The following PTPRN2 variants were observed in gnomAD, a reference collection of about 807,000 sequenced individuals.
PTPRN2 encodes protein tyrosine phosphatase receptor type N2.
In PTPRN2, 74 loss-of-function variants were observed where a neutral mutation model predicts 118.8. The ratio of observed to expected loss-of-function variants is 0.62; its 90% CI spans 0.52 to 0.76. PTPRN2 has a LOEUF of 0.76. Ranked by LOEUF, PTPRN2 falls within the 30% of genes least tolerant of loss-of-function variation. PTPRN2 has a pLI of 0.00. For missense variants in PTPRN2, 1,481 were observed against 1,394.4 expected (o/e 1.06, Z -0.99); for synonymous variants, 641 against 608.0 (o/e 1.05, Z -0.80).
At chr7:157,943,922 T>A (rs1354177886) in intron 11 of PTPRN2, among the ~76,000 whole-genome samples, 2 of 152,208 alleles carry the variant, frequency 1.3e-5, no homozygotes, top group East Asian at 3.8e-4. Flanking sequence ...CTGTTTTGAC[T>A]CCCTATTATT....
At chr7:157,581,850 G>T (rs1800397214) in intron 17 of PTPRN2, among the ~76,000 whole-genome samples, 2 of 152,236 alleles carry the variant, frequency 1.3e-5, no homozygotes, top group African/African-American at 4.8e-5. Flanking sequence ...CAACGTGACT[G>T]TGTCTTTAGA....
chr7:157,843,002 T>A (rs537429934), intron 12 of PTPRN2, among the ~76,000 whole-genome samples: 2 of 152,350 alleles, frequency 1.3e-5, no homozygotes, highest in African/African-American at 4.8e-5. Context: ...ATCTCTAAAG[T>A]CATGCTCTGT....
At chr7:157,694,321 A>T (rs6962998) in intron 12 of PTPRN2, among the ~76,000 whole-genome samples, 1 of 151,914 alleles carries the variant, frequency 6.6e-6, no homozygotes, top group African/African-American at 2.4e-5. Flanking sequence ...AGAACAGCAC[A>T]CTTCCTCGTC....
At chr7:158,265,837 C>A (rs1797834731) in intron 3 of PTPRN2, among the ~76,000 whole-genome samples, 1 of 152,238 alleles carries the variant, frequency 6.6e-6, no homozygotes, top group Non-Finnish European at 1.5e-5. Flanking sequence ...TCAGCCCTGC[C>A]TTTGGGTGGA....
intron 2 of PTPRN2, among the ~76,000 whole-genome samples, chr7:158,389,237 G>A (rs1375095771): frequency 6.6e-6 from 1 of 152,230 alleles, no homozygotes; most frequent in Non-Finnish European, 1.5e-5. Flanking sequence ...AATGAAACAC[G>A]ACACACCTGC....
chr7:157,880,921 G>C (rs889946952), intron 12 of PTPRN2, among the ~76,000 whole-genome samples: 1 of 152,164 alleles, frequency 6.6e-6, no homozygotes, highest in Non-Finnish European at 1.5e-5. Flanking sequence ...TGATAAAAAG[G>C]CACTCTGAGT....
intron 11 of PTPRN2, among the ~76,000 whole-genome samples, chr7:157,911,455 G>A (rs908231955): frequency 1.3e-5 from 2 of 152,074 alleles, no homozygotes; most frequent in African/African-American, 4.8e-5. Flanking sequence ...TATATATCAC[G>A]GGCTCCTGGA....
chr7:158,353,360 T>C (rs1474026041), intron 2 of PTPRN2, among the ~76,000 whole-genome samples: 1 of 152,220 alleles, frequency 6.6e-6, no homozygotes, highest in East Asian at 1.9e-4. Flanking sequence ...CCTAAAACTA[T>C]GAGTGGACAT....
Position 157,797,025 on chromosome 7 carries a change from C to T in PTPRN2, c.1788+101648G>A, listed in dbSNP as rs184220334. 6.0e-4 allele frequency among the ~76,000 whole-genome samples: 92 copies of T among 152,344 alleles called. 2 individuals carry two copies. The highest frequency in any genetic ancestry group is 2.9e-3 in the South Asian group (14 of 4,828). On this transcript the variant is annotated intron_variant, in intron 12 of 22. Coordinates refer to ENST00000389418, the MANE Select transcript of PTPRN2 (RefSeq NM_002847.5). ...TCGCCGCTCAGACGAACTCACGGCT[C>T]AGCTGGGAGAATCACACGGGAGGGG...
At chr7:157,798,360 A>G (rs1805005323) in intron 12 of PTPRN2, among the ~76,000 whole-genome samples, 1 of 152,200 alleles carries the variant, frequency 6.6e-6, no homozygotes, top group South Asian at 2.1e-4. Context: ...CCTCTGGGAG[A>G]TGACAAGGAT....
chr7:157,702,242 C>A (rs1237525935), intron 12 of PTPRN2, among the ~76,000 whole-genome samples: 1 of 149,608 alleles, frequency 6.7e-6, no homozygotes, highest in Non-Finnish European at 1.5e-5. Context: ...AAAGCCTGGT[C>A]GGTCCTGGTG....
At chr7:157,791,617 C>A (rs1258617954) in intron 12 of PTPRN2, among the ~76,000 whole-genome samples, 1 of 150,870 alleles carries the variant, frequency 6.6e-6, no homozygotes, top group East Asian at 2.0e-4. Flanking sequence ...GTGGTGAGAG[C>A]GGAGGGGCTC....
chr7:158,414,883 G>A (rs1200947852), intron 2 of PTPRN2, among the ~76,000 whole-genome samples: 1 of 152,250 alleles, frequency 6.6e-6, no homozygotes, highest in African/African-American at 2.4e-5. Flanking sequence ...TCCACATGAG[G>A]AGGGGCGGGG....
intron 12 of PTPRN2, among the ~76,000 whole-genome samples, chr7:157,769,046 G>A (rs1802645390): frequency 6.6e-6 from 1 of 152,280 alleles, no homozygotes; most frequent in East Asian, 1.9e-4. Context: ...CGTAATGTTG[G>A]CATAATTTTT....
intron 2 of PTPRN2, among the ~76,000 whole-genome samples, chr7:158,482,312 G>A (rs564817311): frequency 1.3e-5 from 2 of 152,310 alleles, no homozygotes; most frequent in African/African-American, 4.8e-5. Context: ...CTACCAAACA[G>A]CATTGCGTTC....
At chr7:158,071,607 G>T (rs1203920926) in intron 11 of PTPRN2, among the ~76,000 whole-genome samples, 2 of 91,170 alleles carry the variant, frequency 2.2e-5, no homozygotes, top group Non-Finnish European at 4.7e-5. Context: ...CCTGGTGGAG[G>T]TGCTCGTGGT....
chr7:158,571,021 AC>A (rs1828000363), intron 1 of PTPRN2, among the ~76,000 whole-genome samples: 1 of 152,180 alleles, frequency 6.6e-6, no homozygotes, highest in African/African-American at 2.4e-5. Context: ...CAGGAGCCGC[AC>A]CGGACACTCC....
Position 158,565,857 on chromosome 7 carries a change from C to T in PTPRN2, c.112+21701G>A, listed in dbSNP as rs1408775301. ...ATGCAGGATATTCTGATGAGGAAAC[C>T]GAGGCATGGAGCTTCTTAGGAACTT... On this transcript the variant is annotated intron_variant, in intron 1 of 22. Transcript: ENST00000389418. The surrounding 1 kb of genome is among the most constrained non-coding windows in gnomAD (Gnocchi z 4.6). 2.6e-5 allele frequency among the ~76,000 whole-genome samples: 4 copies of T among 152,278 alleles called. No homozygotes were observed. Among genetic ancestry groups the T allele is most frequent in the East Asian group, 3.9e-4 (2 of 5,168 alleles).
At chr7:158,197,531 C>A (rs1299602825) in intron 4 of PTPRN2, among the ~76,000 whole-genome samples, 2 of 152,122 alleles carry the variant, frequency 1.3e-5, no homozygotes, top group Non-Finnish European at 2.9e-5. Flanking sequence ...AATTGATAAA[C>A]CCACCATGTT....
Sources: allele counts gnomAD v4.1 joint callset (sites outside exome capture counted in the v4.1 genomes callset), GRCh38; gene constraint gnomAD v4.1.1; non-coding constraint Gnocchi (gnomAD v3.1); transcripts MANE v1.5; gene names NCBI Gene and HGNC (gene_info 2026-07-23, HGNC 2026-07-21).